PIEZO1: variants seen among roughly 807,000 people sequenced by gnomAD.
The protein encoded by PIEZO1 is piezo type mechanosensitive ion channel component 1 (Er blood group), also known as piezo-type mechanosensitive ion channel component 1.
A neutral mutation model predicts 297.2 loss-of-function variants in PIEZO1; 296 were observed. That is an observed-to-expected ratio of 1.00 (90% CI 0.91 to 1.10). The LOEUF is 1.10. PIEZO1 is among the 50% of genes least tolerant of loss of function. The pLI is 0.00. For missense variants in PIEZO1, 5,018 were observed against 3,455.5 expected (o/e 1.45, Z -11.34); for synonymous variants, 2,427 against 1,507.5 (o/e 1.61, Z -14.13).
intron 1 of PIEZO1, among the ~76,000 whole-genome samples, chr16:88,765,278 G>A (rs1250357786): frequency 1.3e-5 from 2 of 152,228 alleles, no homozygotes; most frequent in Non-Finnish European, 2.9e-5. Flanking sequence ...GCCTGGAGAG[G>A]GGGTGTCACG....
intron 1 of PIEZO1, among the ~76,000 whole-genome samples, chr16:88,752,748 T>A (rs917588615): frequency 1.3e-5 from 2 of 152,018 alleles, no homozygotes; most frequent in African/African-American, 4.8e-5. Context: ...GGAGGCACCT[T>A]GGCAGGGGTT....
Position 88,744,909 on chromosome 16 carries a change from G to C in PIEZO1, c.161-2487C>G, listed in dbSNP as rs188269271. Among the ~76,000 whole-genome samples, 353 of 152,200 alleles carry C rather than the reference G, an allele frequency of 2.3e-3. 4 individuals carry two copies. The highest frequency in any genetic ancestry group is 8.2e-3 in the African/African-American group (340 of 41,532). ...GGGGGCCGGAACGTGCAGAGGGATCGAGGCTCTGCTGACCTGCACGGGGCG... is the reference window on the plus strand; with the variant it reads ...GGGGGCCGGAACGTGCAGAGGGATCCAGGCTCTGCTGACCTGCACGGGGCG... On this transcript the variant is annotated intron_variant, in intron 2 of 50. Transcript: ENST00000301015.
chr16:88,739,021 G>T (rs557392939), intron 5 of PIEZO1: 2 of 518,678 alleles, frequency 3.9e-6, no homozygotes, highest in South Asian at 2.2e-5. Flanking sequence ...GGCACGTGAT[G>T]ACCTTGCCAG....
chr16:88,776,442 A>G (rs1006611201), intron 1 of PIEZO1, among the ~76,000 whole-genome samples: 1 of 152,024 alleles, frequency 6.6e-6, no homozygotes, highest in African/African-American at 2.4e-5. Context: ...TCAAAAAAAA[A>G]AAAGAAGGGA....
intron 12 of PIEZO1, 89 bp downstream of exon 12, chr16:88,736,059 C>A: frequency 1.5e-6 from 2 of 1,327,228 alleles, no homozygotes; most frequent in African/African-American, 2.9e-5. Context: ...GGCGCTGCCA[C>A]TCCCCCGGGC....
rs142180143 is a variant in PIEZO1, at chr16:88,759,496, G to A, written c.65-10017C>T. Among the ~76,000 whole-genome samples the A allele has an allele frequency of 2.0e-3, 298 of 152,272 alleles. 2 individuals are homozygous for A. Among genetic ancestry groups the A allele is most frequent in the African/African-American group, 6.4e-3 (268 of 41,562 alleles). On this transcript the variant is annotated intron_variant, in intron 1 of 50. Coordinates refer to ENST00000301015, the MANE Select transcript of PIEZO1 (RefSeq NM_001142864.4). ...CCTTATTTGGCTTGGAAGAGAAACC[G>A]ATAAACACTCCCGTGCTAGTGCTTT...
At position 88,738,492 on chromosome 16, in the gene PIEZO1, C is replaced by G. The variant is rs1236077900; in HGVS notation, c.635-52G>C. Reference sequence around the variant, plus strand: ...TACCTGGCCAGTGCCATGTGTCCCGCTGTCTCCACAGTCATCAGGGAACTC... The same window carrying G: ...TACCTGGCCAGTGCCATGTGTCCCGGTGTCTCCACAGTCATCAGGGAACTC... On this transcript the variant is annotated intron_variant, in intron 6 of 50. Coordinates refer to ENST00000301015, the MANE Select transcript of PIEZO1 (RefSeq NM_001142864.4). The G allele has an allele frequency of 2.6e-6, 4 of 1,520,080 alleles. No homozygotes were observed. The African/African-American group carries it at 4.4e-5, about 17-fold the overall frequency. 94.2% of individuals were successfully genotyped at this position (1,520,080 alleles called of 1,614,324 possible). A position where few individuals can be genotyped will look rare whatever the true frequency, so the allele number is the denominator to read the frequency against.
At chr16:88,756,591 A>C (rs911725849) in intron 1 of PIEZO1, among the ~76,000 whole-genome samples, 66 of 152,104 alleles carry the variant, frequency 4.3e-4, no homozygotes, top group Non-Finnish European at 6.6e-4. Context: ...AACATGGTGA[A>C]ACCCCATCTC....
chr16:88,731,853 G>A lies in PIEZO1; in HGVS notation c.3049C>T (p.Leu1017=), dbSNP rs752844197. The A allele has an allele frequency of 5.4e-6, 8 of 1,492,416 alleles. No homozygotes were observed. The East Asian group carries it at 1.4e-4, about 25-fold the overall frequency. The allele number at this position is 1,492,416 out of a possible 1,614,324, so 92.4% of individuals were successfully genotyped here. A position where few individuals can be genotyped will look rare whatever the true frequency, so the allele number is the denominator to read the frequency against. The change falls in exon 22 of 51, where the codon CTG becomes TTG. Residue 1017 remains leucine (L), a synonymous_variant. Transcript: ENST00000301015. ...ATGGCCACCAGCCAGCAACCGTGCA[G>A]GGTCACCAGAAAGTTCATGCGCTGC... is the stretch of plus-strand genomic sequence containing the variant. The part of the protein sequence containing the change: ...IGQRMNFLVT[L]HGCWLVAILT...
rs369279313 is a variant in PIEZO1, at chr16:88,721,883, G to A, written c.5139C>T (p.Leu1713=). 2.3e-3 allele frequency: 3,632 copies of A among 1,550,040 alleles called. 10 individuals carry two copies. The highest frequency in any genetic ancestry group is 3.0e-3 in the Admixed American group (154 of 51,010). The change falls in exon 37 of 51, where the codon CTC becomes CTT. Residue 1713 remains leucine, a synonymous_variant. Transcript: ENST00000301015. ...ASAGSLVLPV[L]VFLWAMLSIP... Reference sequence around the variant, plus strand: ...TCGACAGCATGGCCCACAGGAAGACGAGCACGGGCAGCACCAGCGAGCCGG... The same window carrying A: ...TCGACAGCATGGCCCACAGGAAGACAAGCACGGGCAGCACCAGCGAGCCGG...
At chr16:88,725,196 T>A in intron 29 of PIEZO1, 116 bp from the exon 30 acceptor site, 1 of 784,852 alleles carries the variant, frequency 1.3e-6, no homozygotes, top group Non-Finnish European at 2.0e-6. Context: ...ACACCCACAG[T>A]GACGGGGGCC....
chr16:88,737,626 G>A lies in PIEZO1; in HGVS notation c.1128C>T (p.Pro376=), dbSNP rs753508999. The A allele has an allele frequency of 1.8e-5, 28 of 1,534,768 alleles. No homozygotes were observed. The highest frequency in any genetic ancestry group is 1.2e-4 in the South Asian group (10 of 84,032). The change falls in exon 10 of 51, where the codon CCC becomes CCT. Residue 376 remains proline, a synonymous_variant. Coordinates refer to ENST00000301015, the MANE Select transcript of PIEZO1 (RefSeq NM_001142864.4). ...CGATGCAGTTATCAGCCTCGGTGTC[G>A]GGTGCTGTGGGCACCACGTGCTGTG... ...ESDQHVVPTA[P]DTEADNCIVH...
At chr16:88,734,569 GC>G in intron 15 of PIEZO1, 31 bp from the exon 16 acceptor site, 2 of 1,544,698 alleles carry the variant, frequency 1.3e-6, no homozygotes, top group Non-Finnish European at 1.7e-6. Flanking sequence ...CACCGGCCCG[GC>G]CCCCGGCAGA....
In PIEZO1 at chr16:88,715,878, T is replaced by G. The variant is rs769359847; in HGVS notation, c.7317-24A>C. On this transcript the variant is annotated intron_variant, in intron 50 of 50. Coordinates refer to ENST00000301015, the MANE Select transcript of PIEZO1 (RefSeq NM_001142864.4). ...TGCTGCGGGGGAAGCTGGTGAGTCC[T>G]GGGGCCGCCCGGAGCCCCCCGAGCT... 4.7e-5 allele frequency: 73 copies of G among 1,547,244 alleles called. 3 individuals are homozygous for G. In the South Asian group the frequency reaches 8.6e-4, roughly 18 times the overall value.
At position 88,735,181 on chromosome 16, in the gene PIEZO1, C is replaced by G. The variant is rs1905125978; in HGVS notation, c.1623G>C (p.Trp541Cys). ...CCGTCAGCGCAGCTGGAGACTCTGC[C>G]CACTTCAGCAGCTTCTCTTTCACAA... Reference protein sequence around the residue: ...RQFVKEKLLKWAESPAALTEV... With the variant: ...RQFVKEKLLKCAESPAALTEV... The change falls in exon 13 of 51, where the codon TGG becomes TGC. Residue 541 changes from tryptophan to cysteine, a missense_variant. By Grantham distance (215) the Trp-to-Cys change is radical. Coordinates refer to ENST00000301015, the MANE Select transcript of PIEZO1 (RefSeq NM_001142864.4). 2 of 1,550,398 alleles carry G rather than the reference C, an allele frequency of 1.3e-6. No individual in the cohort carries two copies. Among genetic ancestry groups the G allele is most frequent in the African/African-American group, 1.4e-5 (1 of 73,190 alleles).
chr16:88,770,735 C>A (rs373202388), intron 1 of PIEZO1, among the ~76,000 whole-genome samples: 9 of 152,354 alleles, frequency 5.9e-5, no homozygotes, highest in African/African-American at 2.2e-4. Flanking sequence ...TCACCCTGAG[C>A]ACGCCCCACG....
Position 88,732,484 on chromosome 16 carries a change from G to T in PIEZO1, c.2842C>A (p.Arg948Ser), listed in dbSNP as rs12929515. The part of the protein sequence containing the change: ...LLVFEAIVYR[R>S]QEHYRRQHQL... ...TGCTGCCGGCGGTAGTGCTCCTGGCGCCGGTACACGATGGCCTCGAATACC... is the reference window on the plus strand; with the variant it reads ...TGCTGCCGGCGGTAGTGCTCCTGGCTCCGGTACACGATGGCCTCGAATACC... The change falls in exon 21 of 51, where the codon CGC becomes AGC. Residue 948 changes from arginine to serine, a missense_variant. Transcript: ENST00000301015. 2.6e-6 allele frequency: 4 copies of T among 1,549,164 alleles called. No individual in the cohort carries two copies. The highest frequency in any genetic ancestry group is 2.4e-5 in the South Asian group (2 of 84,004).
At chr16:88,748,932 CAAAAAAAAAAAA>C (rs869031857) in intron 2 of PIEZO1, among the ~76,000 whole-genome samples, 1 of 45,224 alleles carries the variant, frequency 2.2e-5, no homozygotes, top group African/African-American at 1.0e-4. Flanking sequence ...GACTCGGTCT[CAAAAAAAAAAAA>C]AAAAAAAAAA....
Position 88,738,222 on chromosome 16 carries a change from G to A in PIEZO1, c.848+5C>T, listed in dbSNP as rs978317004. ...GGAAAAAGGGGCTGTGTGGCAAGCC[G>A]TTACCTAGCCCAGATGCCGGCAGGC... On this transcript the variant is annotated splice_donor_5th_base_variant and intron_variant, in intron 7 of 50. Transcript: ENST00000301015. The A allele has an allele frequency of 1.9e-5, 29 of 1,535,376 alleles. No homozygotes were observed. Among genetic ancestry groups the A allele is most frequent in the African/African-American group, 1.2e-4 (9 of 73,188 alleles).
Sources: allele counts gnomAD v4.1 joint callset (sites outside exome capture counted in the v4.1 genomes callset), GRCh38; gene constraint gnomAD v4.1.1; transcripts MANE v1.5; gene names NCBI Gene and HGNC (gene_info 2026-07-23, HGNC 2026-07-21).